Variants in ELOVL6 observed in about 807,000 individuals in gnomAD.
ELOVL6 encodes the protein very long chain fatty acid elongase 6.
A neutral mutation model predicts 31.7 loss-of-function variants in ELOVL6; 8 were observed. The ratio of observed to expected loss-of-function variants is 0.25; its 90% CI spans 0.15 to 0.45. ELOVL6 has a LOEUF of 0.45. Ranked by LOEUF, ELOVL6 falls within the 20% of genes least tolerant of loss-of-function variation. ELOVL6 has a pLI of 1.00. For synonymous variants in ELOVL6, 101 were observed against 117.7 expected, an observed-to-expected ratio of 0.86 and a Z score of 0.92; for missense variants, 126 against 326.4, an observed-to-expected ratio of 0.39 and a Z score of 4.73.
chr4:110,190,979 C>G (rs1759599186), intron 1 of ELOVL6, among the ~76,000 whole-genome samples: 1 of 151,824 alleles, frequency 6.6e-6, no homozygotes, highest in African/African-American at 2.4e-5. Context: ...CCACCATGAC[C>G]AGCTAATTTT....
At chr4:110,195,783 C>T (rs1211755846) in intron 1 of ELOVL6, among the ~76,000 whole-genome samples, 1 of 152,160 alleles carries the variant, frequency 6.6e-6, no homozygotes, top group African/African-American at 2.4e-5. Flanking sequence ...CATTTCAACT[C>T]ACTGGACATT....
intron 2 of ELOVL6, among the ~76,000 whole-genome samples, chr4:110,076,238 A>G (rs1184064458): frequency 6.6e-6 from 1 of 152,244 alleles, no homozygotes; most frequent in Non-Finnish European, 1.5e-5. Flanking sequence ...TAAGTGCTGA[A>G]GAAAAGAGAT....
intron 1 of ELOVL6, among the ~76,000 whole-genome samples, chr4:110,149,400 C>A (rs1256987144): frequency 6.6e-6 from 1 of 152,050 alleles, no homozygotes; most frequent in Non-Finnish European, 1.5e-5. Context: ...CAGTGGAGGA[C>A]CGAATAAAGA....
At chr4:110,075,519 C>A (rs1397680871) in intron 2 of ELOVL6, among the ~76,000 whole-genome samples, 1 of 152,132 alleles carries the variant, frequency 6.6e-6, no homozygotes, top group Non-Finnish European at 1.5e-5. Flanking sequence ...CACAAAAAGA[C>A]AAATACTGTA....
intron 2 of ELOVL6, among the ~76,000 whole-genome samples, chr4:110,097,437 A>G (rs1411551827): frequency 6.6e-6 from 1 of 152,162 alleles, no homozygotes; most frequent in African/African-American, 2.4e-5. Context: ...GGCAGTGCTA[A>G]GTAAATGGAA....
At chr4:110,084,330 T>C (rs1315307863) in intron 2 of ELOVL6, among the ~76,000 whole-genome samples, 3 of 137,224 alleles carry the variant, frequency 2.2e-5, no homozygotes, top group South Asian at 2.3e-4. Flanking sequence ...AAATTTGATA[T>C]ATATCACATA....
At chr4:110,169,108 T>C (rs1293580904) in intron 1 of ELOVL6, among the ~76,000 whole-genome samples, 1 of 151,934 alleles carries the variant, frequency 6.6e-6, no homozygotes, top group Non-Finnish European at 1.5e-5. Flanking sequence ...ACTGCAGGTG[T>C]ATGCCACCAC....
intron 3 of ELOVL6, among the ~76,000 whole-genome samples, chr4:110,057,573 G>A (rs887898137): frequency 3.9e-5 from 6 of 151,916 alleles, no homozygotes; most frequent in East Asian, 1.9e-4. Flanking sequence ...AGCCACAGCC[G>A]GGCACAGTGG....
chr4:110,072,342 G>A (rs1385185920), intron 2 of ELOVL6, among the ~76,000 whole-genome samples: 1 of 152,196 alleles, frequency 6.6e-6, no homozygotes, highest in East Asian at 1.9e-4. Context: ...TGGGTATGGT[G>A]GCACATGCCT....
intron 1 of ELOVL6, among the ~76,000 whole-genome samples, chr4:110,176,178 T>A (rs112470947): frequency 0.02 from 2,051 of 104,718 alleles, 58 homozygotes; most frequent in African/African-American, 0.054. Flanking sequence ...TTATTTATTT[T>A]TTGAGATGGA....
chr4:110,082,616 G>C (rs1360267264), intron 2 of ELOVL6, among the ~76,000 whole-genome samples: 1 of 151,626 alleles, frequency 6.6e-6, no homozygotes, highest in African/African-American at 2.4e-5. Flanking sequence ...AGGGAGGAGG[G>C]GTAGCATTAG....
rs17321629 is a variant in ELOVL6, at chr4:110,054,943, T to C, written c.374-3181A>G. Among the ~76,000 whole-genome samples the C allele has an allele frequency of 9.7e-3, 1,472 of 152,254 alleles. 10 individuals are homozygous for C. The highest frequency in any genetic ancestry group is 0.017 in the Non-Finnish European group (1,124 of 68,002). On this transcript the variant is annotated intron_variant, in intron 3 of 3. Transcript: ENST00000302274. The stretch of plus-strand genomic sequence containing the variant: ...TTTTTTCCAGAACACATATGCACGA[T>C]GGTGGGTGCGGGAATGAAATTGATC...
At chr4:110,133,161 A>C (rs1439835602) in intron 1 of ELOVL6, among the ~76,000 whole-genome samples, 3 of 152,122 alleles carry the variant, frequency 2.0e-5, no homozygotes, top group Non-Finnish European at 4.4e-5. Flanking sequence ...AAAATTAAGG[A>C]GTGTCATGGG....
chr4:110,140,624 A>G (rs572894882), intron 1 of ELOVL6, among the ~76,000 whole-genome samples: 1 of 152,128 alleles, frequency 6.6e-6, no homozygotes, highest in Non-Finnish European at 1.5e-5. Flanking sequence ...CCAAGAGATA[A>G]TACTTTTTAT....
chr4:110,094,438 T>TATAA (rs1553957093), intron 2 of ELOVL6, among the ~76,000 whole-genome samples: 3,101 of 55,288 alleles, frequency 0.056, 148 homozygotes, highest in East Asian at 0.15. Context: ...TATATATATA[T>TATAA]ATATAATATA....
rs1754694905 is a variant in ELOVL6, at chr4:110,046,212, A to G, written c.*5126T>C. On this transcript the variant is annotated 3_prime_UTR_variant, in exon 4 of 4. Coordinates refer to ENST00000302274, the MANE Select transcript of ELOVL6 (RefSeq NM_024090.3). ...TACTAAGCATTGGGAAAGTAACAGCATTTAAATACCAATGTCGAGTCAGAA... is the reference window on the plus strand; with the variant it reads ...TACTAAGCATTGGGAAAGTAACAGCGTTTAAATACCAATGTCGAGTCAGAA... 6.6e-6 allele frequency: 1 copy of G among 152,234 alleles called. No individual in the cohort carries two copies. Among genetic ancestry groups the G allele is most frequent in the Non-Finnish European group, 1.5e-5 (1 of 68,036 alleles). The allele number at this position is 152,234 out of a possible 1,614,324, so 9.4% of individuals were successfully genotyped here. A position where few individuals can be genotyped will look rare whatever the true frequency, so the allele number is the denominator to read the frequency against.
At position 110,084,396 on chromosome 4, in the gene ELOVL6, TATATG is replaced by T. The variant is rs1239399747; in HGVS notation, c.221+21096_221+21100del. ...TATATGATATATATCGCATATATGA[TATATG>T]ATATATGACATACATGATATATCAC... is the stretch of plus-strand genomic sequence containing the variant. On this transcript the variant is annotated intron_variant, in intron 2 of 3. Coordinates refer to ENST00000302274, the MANE Select transcript of ELOVL6 (RefSeq NM_024090.3). Among the ~76,000 whole-genome samples the T allele has an allele frequency of 2.4e-3, 156 of 64,790 alleles. 3 individuals are homozygous for T. Among genetic ancestry groups the T allele is most frequent in the African/African-American group, 6.2e-3 (142 of 22,786 alleles). 42.5% of individuals were successfully genotyped at this position (64,790 alleles called of 152,430 possible).
Position 110,050,121 on chromosome 4 carries a change from C to T in ELOVL6, c.*1217G>A, listed in dbSNP as rs1382247805. 6.6e-6 allele frequency: 1 copy of T among 152,550 alleles called. No individual in the cohort carries two copies. The highest frequency in any genetic ancestry group is 1.5e-5 in the Non-Finnish European group (1 of 68,028). 9.4% of individuals were successfully genotyped at this position (152,550 alleles called of 1,614,324 possible). A position where few individuals can be genotyped will look rare whatever the true frequency, so the allele number is the denominator to read the frequency against. On this transcript the variant is annotated 3_prime_UTR_variant, in exon 4 of 4. Transcript: ENST00000302274. ...CTTGAAGTTTGTTGTAGTATTGCCA[C>T]TCAGCCAGCAGAGGGCCCTTTAAAC...
At chr4:110,195,536 AT>A (rs1419333971) in intron 1 of ELOVL6, among the ~76,000 whole-genome samples, 2 of 152,148 alleles carry the variant, frequency 1.3e-5, no homozygotes, top group African/African-American at 2.4e-5. Flanking sequence ...AAAATCTGGC[AT>A]TTAAAAAAAA....
Sources: allele counts gnomAD v4.1 joint callset (sites outside exome capture counted in the v4.1 genomes callset), GRCh38; gene constraint gnomAD v4.1.1; transcripts MANE v1.5; gene names NCBI Gene and HGNC (gene_info 2026-07-23, HGNC 2026-07-21).